Variants in FRMD5 observed in about 807,000 individuals in gnomAD.
FRMD5 encodes the protein FERM domain containing 5.
A neutral mutation model predicts 69.0 loss-of-function variants in FRMD5; 20 were observed. The observed-to-expected ratio is 0.29, with a 90% CI of 0.20 to 0.42. FRMD5 has a LOEUF of 0.42. Ranked by LOEUF, FRMD5 falls within the 10% of genes least tolerant of loss-of-function variation. FRMD5 has a pLI of 1.00. For missense variants in FRMD5, 595 were observed against 708.6 expected (o/e 0.84, Z 1.82); for synonymous variants, 271 against 260.1 (o/e 1.04, Z -0.40).
chr15:43,902,479 C>T (rs1261828249), intron 6 of FRMD5, among the ~76,000 whole-genome samples: 3 of 152,066 alleles, frequency 2.0e-5, no homozygotes, highest in East Asian at 1.9e-4. Flanking sequence ...TAATGAATTA[C>T]TTGGGCTGAG....
intron 1 of FRMD5, among the ~76,000 whole-genome samples, chr15:43,959,420 T>C (rs1253315220): frequency 1.3e-5 from 2 of 152,248 alleles, no homozygotes; most frequent in East Asian, 1.9e-4. Context: ...TGAGGTAGTG[T>C]TAGCAAAGCT....
intron 1 of FRMD5, among the ~76,000 whole-genome samples, chr15:44,188,560 G>C (rs1244109398): frequency 1.3e-5 from 2 of 152,188 alleles, no homozygotes; most frequent in Non-Finnish European, 2.9e-5. Context: ...CACTAGGTCT[G>C]GGATGGGGTC....
chr15:43,904,873 C>G (rs964983970), intron 6 of FRMD5, among the ~76,000 whole-genome samples: 1 of 152,126 alleles, frequency 6.6e-6, no homozygotes, highest in African/African-American at 2.4e-5. Flanking sequence ...GTAAGAGAAG[C>G]TGAGAAAGAT....
chr15:43,889,422 G>A (rs1442050660), intron 8 of FRMD5, among the ~76,000 whole-genome samples: 1 of 152,180 alleles, frequency 6.6e-6, no homozygotes, highest in Non-Finnish European at 1.5e-5. Flanking sequence ...ACCAAAGAGA[G>A]AGAACAGATT....
At chr15:44,005,375 G>A (rs529774772) in intron 1 of FRMD5, among the ~76,000 whole-genome samples, 41 of 149,360 alleles carry the variant, frequency 2.7e-4, no homozygotes, top group African/African-American at 1.0e-3. Context: ...GGATGCTGAG[G>A]CAGGAGAATC....
intron 1 of FRMD5, chr15:44,063,735 C>T: frequency 3.0e-6 from 1 of 332,326 alleles, no homozygotes; most frequent in Admixed American, 3.7e-5. Flanking sequence ...ATGCCATCAT[C>T]ATCTTCCAAG....
chr15:44,125,511 G>A (rs2140406127), intron 1 of FRMD5, among the ~76,000 whole-genome samples: 1 of 152,216 alleles, frequency 6.6e-6, no homozygotes, highest in Admixed American at 6.5e-5. Flanking sequence ...GGTTAAAGCT[G>A]ATTTTAAAAT....
chr15:43,938,773 G>T (rs1444313859), intron 1 of FRMD5, among the ~76,000 whole-genome samples: 1 of 152,144 alleles, frequency 6.6e-6, no homozygotes, highest in East Asian at 1.9e-4. Flanking sequence ...AATATTTGAA[G>T]ATTATGAAGC....
At chr15:44,120,188 A>G (rs1181975205) in intron 1 of FRMD5, among the ~76,000 whole-genome samples, 1 of 152,176 alleles carries the variant, frequency 6.6e-6, no homozygotes, top group African/African-American at 2.4e-5. Flanking sequence ...AAAGTATCCC[A>G]AGAAGAATGG....
At position 43,875,687 on chromosome 15, in the gene FRMD5, AGGCT is replaced by A. The variant is rs1290755878; in HGVS notation, c.1136-1229_1136-1226del. On this transcript the variant is annotated intron_variant, in intron 13 of 13. Transcript: ENST00000417257. ...GAGACGGGGTTTTGCCATTTTGGCC[AGGCT>A]GGTCTAGAACTCCTGGCCTCCCAAA... 2.6e-5 allele frequency among the ~76,000 whole-genome samples: 4 copies of A among 151,844 alleles called. No homozygotes were observed. In the East Asian group the frequency reaches 5.8e-4, roughly 22 times the overall value.
At chr15:44,182,324 CTTT>C (rs71111843) in intron 1 of FRMD5, among the ~76,000 whole-genome samples, 77,654 of 85,564 alleles carry the variant, frequency 0.91, 35,337 homozygotes, top group Middle Eastern at 0.97. Context: ...CATTGCTTTT[CTTT>C]TTTTTTTTTT....
At chr15:43,998,783 C>A (rs957725105) in intron 1 of FRMD5, among the ~76,000 whole-genome samples, 1 of 152,176 alleles carries the variant, frequency 6.6e-6, no homozygotes, top group African/African-American at 2.4e-5. Flanking sequence ...GATTTCACAT[C>A]AGGAAGTTCA....
chr15:43,964,324 T>C (rs976599056), intron 1 of FRMD5, among the ~76,000 whole-genome samples: 2 of 151,858 alleles, frequency 1.3e-5, no homozygotes, highest in African/African-American at 4.8e-5. Flanking sequence ...GCTATTTTCC[T>C]GAACTTTTTT....
At chr15:43,959,846 T>C (rs557640974) in intron 1 of FRMD5, among the ~76,000 whole-genome samples, 1 of 152,324 alleles carries the variant, frequency 6.6e-6, no homozygotes, top group South Asian at 2.1e-4. Context: ...AACGGGCCTA[T>C]TGCTCATTGA....
In FRMD5 at chr15:43,878,219, G is replaced by A. The variant is rs980074183; in HGVS notation, c.1136-3757C>T. Among the ~76,000 whole-genome samples, 7 of 151,900 alleles carry A rather than the reference G, an allele frequency of 4.6e-5. No individual in the cohort carries two copies. The East Asian group carries it at 1.2e-3, about 25-fold the overall frequency. ...GTTTTTGTGCTGGGATTACAGATGT[G>A]AGCCACCACGCCCAGCCCCATTTTG... is the stretch of plus-strand genomic sequence containing the variant. On this transcript the variant is annotated intron_variant, in intron 13 of 13. Transcript: ENST00000417257.
rs1017086791 is a variant in FRMD5 at position 43,901,862 on chromosome 15, C to G, written c.639+313G>C. 2.2e-5 allele frequency: 7 copies of G among 320,532 alleles called. No individual in the cohort carries two copies. In the South Asian group the frequency reaches 2.9e-4, roughly 13 times the overall value. The allele number at this position is 320,532 out of a possible 1,614,324, so 19.9% of individuals were successfully genotyped here. ...GGGCAGGCACTGAGCCGCCTCTGATCGTTCTCTGTGGGGGGCCTTCCATAT... is the reference window on the plus strand; with the variant it reads ...GGGCAGGCACTGAGCCGCCTCTGATGGTTCTCTGTGGGGGGCCTTCCATAT... On this transcript the variant is annotated intron_variant, in intron 7 of 13. Coordinates refer to ENST00000417257, the MANE Select transcript of FRMD5 (RefSeq NM_032892.5).
chr15:44,001,909 CG>C (rs1890231060), intron 1 of FRMD5, among the ~76,000 whole-genome samples: 1 of 152,006 alleles, frequency 6.6e-6, no homozygotes, highest in South Asian at 2.1e-4. Context: ...TTAGTAGACA[CG>C]GGGTTTCACC....
chr15:43,931,264 CAG>C (rs1237773232), intron 1 of FRMD5, among the ~76,000 whole-genome samples: 11 of 152,302 alleles, frequency 7.2e-5, no homozygotes, highest in African/African-American at 2.6e-4. Context: ...CTGAATATCT[CAG>C]TGGACTAGTC....
chr15:43,888,743 G>T, intron 9 of FRMD5, 66 bp downstream of exon 9: 2 of 1,410,240 alleles, frequency 1.4e-6, no homozygotes, highest in Non-Finnish European at 2.0e-6. Context: ...CTCAAGCTTG[G>T]CTCTGGCCAC....
Sources: gnomAD v4.1 joint callset for allele counts (sites outside exome capture counted in the v4.1 genomes callset) on GRCh38, gnomAD v4.1.1 for gene constraint, MANE v1.5 for transcripts, NCBI Gene and HGNC (gene_info 2026-07-23, HGNC 2026-07-21) for gene names.